Variants in ATXN2 observed in about 807,000 individuals in gnomAD.
ATXN2 encodes the protein ataxin 2.
Under a neutral mutation model 138.6 loss-of-function variants are expected in ATXN2, and 37 were observed. The observed-to-expected ratio is 0.27, with a 90% CI of 0.21 to 0.35. ATXN2 has a LOEUF of 0.35. Ranked by LOEUF, ATXN2 falls within the 10% of genes least tolerant of loss-of-function variation. The pLI is 1.00. For synonymous variants in ATXN2, 549 were observed against 543.7 expected (o/e 1.01, Z -0.13); for missense variants, 1,216 against 1,480.3 (o/e 0.82, Z 2.93).
At chr12:111,483,230 CACACACACAA>C (rs1877384070) in intron 18 of ATXN2, among the ~76,000 whole-genome samples, 1 of 148,752 alleles carries the variant, frequency 6.7e-6, no homozygotes, top group Non-Finnish European at 1.5e-5. Context: ...CACACACACA[CACACACACAA>C]AACACCCAAA....
At chr12:111,493,063 C>T (rs1878149001) in intron 14 of ATXN2, among the ~76,000 whole-genome samples, 3 of 152,114 alleles carry the variant, frequency 2.0e-5, no homozygotes. Context: ...ATCAGTCTCT[C>T]AATAGCAGAA....
intron 18 of ATXN2, among the ~76,000 whole-genome samples, chr12:111,474,373 T>G (rs544019562): frequency 6.7e-6 from 1 of 149,720 alleles, no homozygotes; most frequent in Non-Finnish European, 1.5e-5. Flanking sequence ...CTGGGCAAGA[T>G]AGAAAGATGG....
At chr12:111,522,670 T>G (rs971201520) in intron 6 of ATXN2, among the ~76,000 whole-genome samples, 19 of 151,904 alleles carry the variant, frequency 1.3e-4, no homozygotes, top group African/African-American at 4.6e-4. Flanking sequence ...CCCAGCACTT[T>G]GAGAGGCCAA....
chr12:111,453,722 G>A lies in ATXN2; in HGVS notation c.3394C>T (p.Pro1132Ser), dbSNP rs1411241283. The change falls in exon 24 of 25, where the codon CCA becomes TCA. Residue 1132 changes from proline (P) to serine (S), a missense_variant. Transcript: ENST00000673436. This position sits in a 1 kb window ranked among gnomAD's most constrained non-coding sequence, Gnocchi z 5.4. ...GGGAAATGCGCTGTTGTCGAGACTG[G>A]AATGGGCTGTAGTGCACTTTGAGCG... ...ALAQSALQPIPVSTTAHFPYM... is the reference protein window; with the variant it reads ...ALAQSALQPISVSTTAHFPYM... The A allele has an allele frequency of 1.2e-6, 2 of 1,613,656 alleles. No homozygotes were observed. The highest frequency in any genetic ancestry group is 1.7e-6 in the Non-Finnish European group (2 of 1,179,804).
chr12:111,525,481 T>C (rs1362693864), intron 5 of ATXN2, among the ~76,000 whole-genome samples, 165 bp from the exon 6 acceptor site: 2 of 152,212 alleles, frequency 1.3e-5, no homozygotes, highest in Non-Finnish European at 2.9e-5. Flanking sequence ...GAACATAATT[T>C]AGGTTGATGA....
At chr12:111,473,455 C>T (rs1038913494) in intron 18 of ATXN2, among the ~76,000 whole-genome samples, 52 of 152,032 alleles carry the variant, frequency 3.4e-4, no homozygotes, top group African/African-American at 1.2e-3. Context: ...GAAAGCTATA[C>T]CTCAGGGTAA....
At chr12:111,554,668 T>C (rs1044400736) in intron 2 of ATXN2, among the ~76,000 whole-genome samples, 1 of 152,156 alleles carries the variant, frequency 6.6e-6, no homozygotes, top group Non-Finnish European at 1.5e-5. Flanking sequence ...ACCGTAAGGA[T>C]GGAAGACAAA....
rs916709932 is a variant in ATXN2, at chr12:111,552,193, TAA to T, written c.571+85_571+86del. 14 of 1,405,350 alleles carry T rather than the reference TAA, an allele frequency of 1.0e-5. No individual in the cohort carries two copies. In the Admixed American group the frequency reaches 3.2e-4, roughly 32 times the overall value. 87.1% of individuals were successfully genotyped at this position (1,405,350 alleles called of 1,614,324 possible). A position where few individuals can be genotyped will look rare whatever the true frequency, so the allele number is the denominator to read the frequency against. ...GCCATACCCAGCCCAGATATTTCTTTAAAAAAAGTTTGTAAGATCACTGTGAA... is the reference window on the plus strand; with the variant it reads ...GCCATACCCAGCCCAGATATTTCTTTAAAAAGTTTGTAAGATCACTGTGAA... On this transcript the variant is annotated intron_variant, in intron 5 of 24. Coordinates refer to ENST00000673436, the MANE Select transcript of ATXN2 (RefSeq NM_001372574.1). The surrounding 1 kb of genome is among the most constrained non-coding windows in gnomAD (Gnocchi z 4.1).
intron 1 of ATXN2, among the ~76,000 whole-genome samples, chr12:111,558,225 C>T (rs907018206): frequency 1.4e-4 from 21 of 152,220 alleles, no homozygotes; most frequent in Non-Finnish European, 4.4e-5. Flanking sequence ...TCTCTGAAAT[C>T]CACTGAAGTC....
chr12:111,489,747 C>A (rs1231794824), intron 14 of ATXN2, among the ~76,000 whole-genome samples: 2 of 151,732 alleles, frequency 1.3e-5, no homozygotes, highest in Non-Finnish European at 2.9e-5. Context: ...CATAGTGATA[C>A]CCTGTCTCAT....
At chr12:111,480,663 AAAAT>A (rs1274936951) in intron 18 of ATXN2, among the ~76,000 whole-genome samples, 3 of 152,156 alleles carry the variant, frequency 2.0e-5, no homozygotes, top group Non-Finnish European at 4.4e-5. Flanking sequence ...CTCCATCTCA[AAAAT>A]AAATAAACAA....
intron 14 of ATXN2, among the ~76,000 whole-genome samples, chr12:111,506,000 T>C (rs1343237893): frequency 6.6e-6 from 1 of 152,184 alleles, no homozygotes; most frequent in Non-Finnish European, 1.5e-5. Flanking sequence ...CAAGGAATAT[T>C]AGTCAGTCAC....
chr12:111,507,657 G>A (rs1008051636), intron 14 of ATXN2, among the ~76,000 whole-genome samples: 2 of 152,260 alleles, frequency 1.3e-5, no homozygotes, highest in African/African-American at 2.4e-5. Flanking sequence ...CGTCTGGGAG[G>A]TGTACCCAAC....
At chr12:111,480,940 G>GA (rs1348628047) in intron 18 of ATXN2, among the ~76,000 whole-genome samples, 5 of 152,014 alleles carry the variant, frequency 3.3e-5, no homozygotes, top group Non-Finnish European at 5.9e-5. Context: ...AGCAACAAAA[G>GA]AAAAAACAAA....
Position 111,518,291 on chromosome 12 carries a change from A to G in ATXN2, c.1123T>C (p.Phe375Leu), listed in dbSNP as rs1343597485. The G allele has an allele frequency of 6.2e-7, 1 of 1,611,848 alleles. No homozygotes were observed. The highest frequency in any genetic ancestry group is 8.5e-7 in the Non-Finnish European group (1 of 1,178,428). Residue 375 changes from phenylalanine (F) to leucine (L), a missense_variant, in exon 9 of 25, where the codon TTC becomes CTC. Phe to Leu is a conservative substitution (Grantham distance 22, BLOSUM62 0). Around this residue, in one of 4 missense-constraint regions of ATXN2, gnomAD observed 401 missense variants for 528.1 expected, o/e 0.76. Transcript: ENST00000673436. ...PSRSTSHTSD[F>L]NPNSGSDQRV... The stretch of plus-strand genomic sequence containing the variant: ...TGGTCTGAACCAGAATTCGGGTTGA[A>G]ATCTGAAGTGTGAGAAGTGGATCTT...
intron 5 of ATXN2, among the ~76,000 whole-genome samples, chr12:111,542,467 C>T (rs942407969): frequency 1.3e-5 from 2 of 152,024 alleles, no homozygotes; most frequent in East Asian, 1.9e-4. Context: ...TGATCCGCCA[C>T]GCCTGGCTGG....
intron 1 of ATXN2, among the ~76,000 whole-genome samples, chr12:111,577,734 C>G (rs1883754390): frequency 6.6e-6 from 1 of 151,804 alleles, no homozygotes; most frequent in South Asian, 2.1e-4. Context: ...GGTTAAAAGT[C>G]TTAACTCCTA....
In ATXN2 at chr12:111,470,631, T is replaced by C. The variant is rs1164945314; in HGVS notation, c.2636A>G (p.Gln879Arg). Residue 879 changes from glutamine (Q) to arginine (R), a missense_variant, in exon 19 of 25, where the codon CAA (glutamine) becomes CGA (arginine). Physicochemically the swap from Gln to Arg is conservative, Grantham distance 43 (BLOSUM62 1). Coordinates refer to ENST00000673436, the MANE Select transcript of ATXN2 (RefSeq NM_001372574.1). ...IAATPPAYST[Q>R]YVAYSPQQFP... ...CTGCTGAGGACTGTAGGCAACATAT[T>C]GCGTGGAGTAAGCTGGTGGGGTGGC... 1 of 1,614,118 alleles carries C rather than the reference T, an allele frequency of 6.2e-7. No individual in the cohort carries two copies. The highest frequency in any genetic ancestry group is 8.5e-7 in the Non-Finnish European group (1 of 1,180,022).
intron 18 of ATXN2, among the ~76,000 whole-genome samples, chr12:111,478,915 G>A (rs1364042642): frequency 2.6e-5 from 4 of 151,514 alleles, no homozygotes; most frequent in Admixed American, 6.6e-5. Flanking sequence ...AGGCTGAGGC[G>A]GGAGAATTGC....
Sources: allele counts gnomAD v4.1 joint callset (sites outside exome capture counted in the v4.1 genomes callset), GRCh38; gene constraint gnomAD v4.1.1; regional missense constraint gnomAD v4.1.1; non-coding constraint Gnocchi (gnomAD v3.1); transcripts MANE v1.5; gene names NCBI Gene and HGNC (gene_info 2026-07-23, HGNC 2026-07-21).